FAM162A: variants seen among roughly 807,000 people sequenced by gnomAD.
FAM162A encodes the protein protein FAM162A.
FAM162A carries 23 observed loss-of-function variants against 21.8 expected under a neutral mutation model. That is an observed-to-expected ratio of 1.05 (90% CI 0.76 to 1.49). The LOEUF (loss-of-function observed/expected upper bound fraction) is 1.49, where lower values mean the gene tolerates loss of function less well. Ranked by LOEUF, FAM162A falls within the 40% of genes most tolerant of loss-of-function variation. The probability of loss-of-function intolerance (pLI) is 0.00; values close to 1 mark genes in which losing one functional copy is unlikely to be tolerated. For missense variants in FAM162A, 165 were observed against 186.4 expected (o/e 0.89, Z 0.67); for synonymous variants, 53 against 61.3 (o/e 0.86, Z 0.64).
At chr3:122,391,448 A>T (rs925940456) in intron 1 of FAM162A, among the ~76,000 whole-genome samples, 5 of 152,242 alleles carry the variant, frequency 3.3e-5, no homozygotes, top group African/African-American at 1.2e-4. Context: ...TCTTTAAAAA[A>T]ATATATTTAC....
At chr3:122,399,188 G>T (rs989565166) in intron 1 of FAM162A, among the ~76,000 whole-genome samples, 2 of 152,014 alleles carry the variant, frequency 1.3e-5, no homozygotes, top group Non-Finnish European at 2.9e-5. Flanking sequence ...GCAGTATTTG[G>T]TTTTCTGTTC....
rs2075707272 is a variant in FAM162A, at chr3:122,411,869, C to CAAAT, written c.*2040_*2043dup. Reference sequence around the variant, plus strand: ...GGTGCCTGGCCAAACGTTTTTATTACAAATATTACATTAAACTAAAGCTCA... The same window carrying CAAAT: ...GGTGCCTGGCCAAACGTTTTTATTACAAATAAATATTACATTAAACTAAAGCTCA... On this transcript the variant is annotated 3_prime_UTR_variant, in exon 5 of 5. Coordinates refer to ENST00000477892, the MANE Select transcript of FAM162A (RefSeq NM_014367.4). The CAAAT allele has an allele frequency of 6.6e-6, 1 of 152,064 alleles. No individual in the cohort carries two copies. The highest frequency in any genetic ancestry group is 1.5e-5 in the Non-Finnish European group (1 of 68,010). The allele number at this position is 152,064 out of a possible 1,614,324, so 9.4% of individuals were successfully genotyped here.
At chr3:122,399,242 C>T (rs182653053) in intron 1 of FAM162A, among the ~76,000 whole-genome samples, 3 of 152,186 alleles carry the variant, frequency 2.0e-5, no homozygotes, top group African/African-American at 7.2e-5. Flanking sequence ...CCAGCTCCAT[C>T]AGTGTTCCTA....
At chr3:122,387,153 G>T in intron 1 of FAM162A, among the ~76,000 whole-genome samples, 1 of 152,270 alleles carries the variant, frequency 6.6e-6, no homozygotes, top group Non-Finnish European at 1.5e-5. Flanking sequence ...GCAAATGTAA[G>T]GTGAGTTTTC....
chr3:122,409,820 A>G lies in FAM162A; in HGVS notation c.454A>G (p.Lys152Glu). The G allele has an allele frequency of 6.2e-7, 1 of 1,613,850 alleles. No individual in the cohort carries two copies. Among genetic ancestry groups the G allele is most frequent in the South Asian group, 1.1e-5 (1 of 91,078 alleles). Residue 152 changes from lysine to glutamate, a missense_variant, in exon 5 of 5, where the codon AAA becomes GAA. By Grantham distance (56) the Lys-to-Glu change is moderately conservative (BLOSUM62 1). Transcript: ENST00000477892. ...GAAAGAGGAAGCAGCTATGAAGGCC[A>G]AAACAGAGTAGCAGAGGTATCCGTG... is the stretch of plus-strand genomic sequence containing the variant. Reference protein sequence around the residue: ...RLKEEAAMKAKTE With the variant: ...RLKEEAAMKAETE
chr3:122,394,059 G>T (rs756824502), intron 1 of FAM162A, among the ~76,000 whole-genome samples: 64 of 152,174 alleles, frequency 4.2e-4, no homozygotes, highest in Non-Finnish European at 1.0e-4. Context: ...AATCATGGTG[G>T]AAGGCGAAGG....
intron 3 of FAM162A, among the ~76,000 whole-genome samples, chr3:122,405,371 A>G (rs2075672258): frequency 6.6e-6 from 1 of 152,210 alleles, no homozygotes; most frequent in South Asian, 2.1e-4. Flanking sequence ...CAACAGCTTT[A>G]ATAGAGCTTT....
intron 1 of FAM162A, among the ~76,000 whole-genome samples, chr3:122,386,397 T>C (rs1041165086): frequency 1.3e-5 from 2 of 151,786 alleles, no homozygotes; most frequent in African/African-American, 4.8e-5. Context: ...AAAAAAACTT[T>C]TAAAAATTAG....
chr3:122,386,327 T>C (rs902739395), intron 1 of FAM162A, among the ~76,000 whole-genome samples: 1 of 152,150 alleles, frequency 6.6e-6, no homozygotes, highest in African/African-American at 2.4e-5. Flanking sequence ...TACTGGAGGA[T>C]TGCTTGAGAC....
chr3:122,404,186 C>A, intron 2 of FAM162A, 72 bp from the exon 3 acceptor site: 1 of 623,428 alleles, frequency 1.6e-6, no homozygotes, highest in Non-Finnish European at 2.7e-6. Flanking sequence ...GCACTAATAC[C>A]ATTTTTCTGT....
chr3:122,387,728 A>G (rs1018812051), intron 1 of FAM162A, among the ~76,000 whole-genome samples: 7 of 152,148 alleles, frequency 4.6e-5, no homozygotes, highest in African/African-American at 1.7e-4. Flanking sequence ...CCCTGTGTGT[A>G]TACTGTGAAG....
At chr3:122,402,074 G>A (rs1029384479) in intron 1 of FAM162A, among the ~76,000 whole-genome samples, 5 of 151,928 alleles carry the variant, frequency 3.3e-5, no homozygotes, top group African/African-American at 1.2e-4. Context: ...TGTCCAGAAT[G>A]GTATTGCCTA....
At chr3:122,409,311 G>C (rs969486567) in intron 4 of FAM162A, among the ~76,000 whole-genome samples, 1 of 152,182 alleles carries the variant, frequency 6.6e-6, no homozygotes, top group African/African-American at 2.4e-5. Flanking sequence ...AAAGAGAAGT[G>C]AGGAACTAGA....
intron 1 of FAM162A, among the ~76,000 whole-genome samples, chr3:122,393,712 A>G (rs1365510469): frequency 6.6e-6 from 1 of 152,172 alleles, no homozygotes; most frequent in Non-Finnish European, 1.5e-5. Flanking sequence ...CATAACATGG[A>G]GTGGGTAACA....
At chr3:122,405,007 A>C (rs183512937) in intron 3 of FAM162A, among the ~76,000 whole-genome samples, 61 of 152,336 alleles carry the variant, frequency 4.0e-4, no homozygotes, top group African/African-American at 1.3e-3. Flanking sequence ...TGCCCGTAGC[A>C]TTGCGGCAGT....
At position 122,407,354 on chromosome 3, in the gene FAM162A, G is replaced by C; in HGVS notation, c.337G>C (p.Val113Leu). Reference sequence around the variant, plus strand: ...CTATCTAATGATTGCCCTGACGGTGGTAGGATGCATCTTCATGGTTATTGA... The same window carrying C: ...CTATCTAATGATTGCCCTGACGGTGCTAGGATGCATCTTCATGGTTATTGA... Reference protein sequence around the residue: ...ISYLMIALTVVGCIFMVIEGK... With the variant: ...ISYLMIALTVLGCIFMVIEGK... The change falls in exon 4 of 5, where the codon GTA (valine) becomes CTA (leucine). Residue 113 changes from valine (V) to leucine (L), a missense_variant. Val to Leu is a conservative substitution (Grantham distance 32). Coordinates refer to ENST00000477892, the MANE Select transcript of FAM162A (RefSeq NM_014367.4). 1 of 1,614,036 alleles carries C rather than the reference G, an allele frequency of 6.2e-7. No homozygotes were observed. Among genetic ancestry groups the C allele is most frequent in the South Asian group, 1.1e-5 (1 of 91,072 alleles).
chr3:122,389,382 GAT>G (rs2075588988), intron 1 of FAM162A, among the ~76,000 whole-genome samples: 1 of 7,778 alleles, frequency 1.3e-4, no homozygotes, highest in Admixed American at 2.2e-3. Context: ...AGTATAGATG[GAT>G]AGATAGATAG....
At chr3:122,389,386 GATA>G (rs1559998765) in intron 1 of FAM162A, among the ~76,000 whole-genome samples, 61 of 13,644 alleles carry the variant, frequency 4.5e-3, no homozygotes, top group South Asian at 0.042. Flanking sequence ...TAGATGGATA[GATA>G]GATAGATAGA....
In FAM162A at chr3:122,384,226, C is replaced by G. The variant is rs1189853265; in HGVS notation, c.-40C>G. ...TTGAGCTCACCAGCGCCACCGTCCCCGGCGAAGTTCTGCGCTGGTCGGCGG... is the reference window on the plus strand; with the variant it reads ...TTGAGCTCACCAGCGCCACCGTCCCGGGCGAAGTTCTGCGCTGGTCGGCGG... On this transcript the variant is annotated 5_prime_UTR_variant, in exon 1 of 5. Coordinates refer to ENST00000477892, the MANE Select transcript of FAM162A (RefSeq NM_014367.4). 1 of 1,557,300 alleles carries G rather than the reference C, an allele frequency of 6.4e-7. No homozygotes were observed. Among genetic ancestry groups the G allele is most frequent in the Non-Finnish European group, 8.7e-7 (1 of 1,150,908 alleles).
Sources: gnomAD v4.1 joint callset for allele counts (sites outside exome capture counted in the v4.1 genomes callset) on GRCh38, gnomAD v4.1.1 for gene constraint, MANE v1.5 for transcripts, NCBI Gene and HGNC (gene_info 2026-07-23, HGNC 2026-07-21) for gene names.